The following FHIT variants were observed in gnomAD, a reference collection of about 807,000 sequenced individuals.
FHIT encodes the protein fragile histidine triad diadenosine triphosphatase.
FHIT carries 19 observed loss-of-function variants against 17.9 expected under a neutral mutation model. The observed-to-expected ratio is 1.06, with a 90% CI of 0.74 to 1.56. FHIT has a LOEUF of 1.56. FHIT is among the 40% of genes most tolerant of loss of function. FHIT has a pLI of 0.00. For missense variants in FHIT, 248 were observed against 189.2 expected (o/e 1.31, Z -1.82); for synonymous variants, 81 against 69.7 (o/e 1.16, Z -0.81).
At chr3:59,980,150 A>G (rs1345296829) in intron 7 of FHIT, among the ~76,000 whole-genome samples, 2 of 152,278 alleles carry the variant, frequency 1.3e-5, no homozygotes, top group South Asian at 2.1e-4. Flanking sequence ...GACACTATCT[A>G]AAGAAACTGA....
intron 5 of FHIT, among the ~76,000 whole-genome samples, chr3:60,488,517 G>T (rs1477445432): frequency 1.3e-5 from 2 of 152,132 alleles, no homozygotes; most frequent in African/African-American, 4.8e-5. Flanking sequence ...ACTGGAGCGG[G>T]GTCTTGAGGA....
chr3:59,888,707 C>T (rs1703728233), intron 8 of FHIT, among the ~76,000 whole-genome samples: 1 of 152,178 alleles, frequency 6.6e-6, no homozygotes, highest in African/African-American at 2.4e-5. Flanking sequence ...AGTGATATGG[C>T]TTGTCCAACA....
intron 8 of FHIT, among the ~76,000 whole-genome samples, chr3:59,770,227 C>A (rs1488301708): frequency 1.3e-5 from 2 of 152,188 alleles, no homozygotes; most frequent in Non-Finnish European, 2.9e-5. Flanking sequence ...ATCGTCCTAA[C>A]AACCCTATGT....
At chr3:60,900,429 C>A (rs145547511) in intron 3 of FHIT, among the ~76,000 whole-genome samples, 2 of 135,902 alleles carry the variant, frequency 1.5e-5, no homozygotes, top group Non-Finnish European at 3.1e-5. Context: ...TAGTGAGATG[C>A]CCATTTCAAA....
At chr3:60,866,348 G>A (rs1224670009) in intron 3 of FHIT, among the ~76,000 whole-genome samples, 2 of 152,166 alleles carry the variant, frequency 1.3e-5, no homozygotes, top group Non-Finnish European at 2.9e-5. Context: ...GAAGAGCCAT[G>A]AGTCCTTAAA....
intron 5 of FHIT, among the ~76,000 whole-genome samples, chr3:60,491,807 ATGT>A (rs2034079465): frequency 6.6e-6 from 1 of 152,118 alleles, no homozygotes; most frequent in Non-Finnish European, 1.5e-5. Context: ...TTTTGTCTTT[ATGT>A]TGTTATTTAT....
At chr3:60,810,290 A>G (rs782226042) in intron 4 of FHIT, among the ~76,000 whole-genome samples, 10 of 152,224 alleles carry the variant, frequency 6.6e-5, no homozygotes, top group Non-Finnish European at 1.3e-4. Context: ...TACAGAAGGA[A>G]TAGTCCTTTA....
At chr3:60,917,048 GA>G (rs782075467) in intron 3 of FHIT, among the ~76,000 whole-genome samples, 36 of 152,282 alleles carry the variant, frequency 2.4e-4, no homozygotes, top group Admixed American at 6.5e-4. Flanking sequence ...GCCCCAGATA[GA>G]ACCCTAGTTT....
Position 60,592,487 on chromosome 3 carries a change from G to A in FHIT, c.-17-55508C>T, listed in dbSNP as rs76384012. ...CAGAACTTGTCTGGCCACTGGCACC[G>A]TGGTCATCTAAAACCCAGGCTGCTT... On this transcript the variant is annotated intron_variant, in intron 4 of 9. Coordinates refer to ENST00000492590, the MANE Select transcript of FHIT (RefSeq NM_002012.4). Among the ~76,000 whole-genome samples, 72 of 152,140 alleles carry A rather than the reference G, an allele frequency of 4.7e-4. No individual in the cohort carries two copies. The East Asian group carries it at 5.6e-3, about 12-fold the overall frequency.
At chr3:60,669,557 G>A (rs1163823316) in intron 4 of FHIT, among the ~76,000 whole-genome samples, 2 of 151,984 alleles carry the variant, frequency 1.3e-5, no homozygotes, top group Non-Finnish European at 2.9e-5. Flanking sequence ...ATCCAAGATA[G>A]GAAGTAGGGG....
chr3:60,017,840 T>C (rs1700402572), intron 5 of FHIT, among the ~76,000 whole-genome samples: 1 of 152,152 alleles, frequency 6.6e-6, no homozygotes, highest in Non-Finnish European at 1.5e-5. Flanking sequence ...TTCGCATTAG[T>C]CAGGTGCCTA....
intron 8 of FHIT, among the ~76,000 whole-genome samples, chr3:59,810,356 G>T (rs957706589): frequency 1.3e-5 from 2 of 152,182 alleles, no homozygotes; most frequent in African/African-American, 4.8e-5. Flanking sequence ...ACTTTGGCAT[G>T]AAACAGATTT....
At chr3:60,719,443 T>C (rs1444959713) in intron 4 of FHIT, among the ~76,000 whole-genome samples, 6 of 152,156 alleles carry the variant, frequency 3.9e-5, no homozygotes, top group African/African-American at 1.4e-4. Context: ...GCTGTATAAC[T>C]CTCCATCTTT....
At chr3:60,279,002 T>C (rs1421673039) in intron 5 of FHIT, among the ~76,000 whole-genome samples, 1 of 151,846 alleles carries the variant, frequency 6.6e-6, no homozygotes, top group African/African-American at 2.4e-5. Flanking sequence ...AATTTAAACC[T>C]AAAGCAATCA....
chr3:60,463,411 A>C (rs2032593424), intron 5 of FHIT, among the ~76,000 whole-genome samples: 1 of 152,200 alleles, frequency 6.6e-6, no homozygotes, highest in Non-Finnish European at 1.5e-5. Flanking sequence ...TAATCACATA[A>C]GGCTAACCAA....
At chr3:60,108,047 C>G (rs1173240754) in intron 5 of FHIT, among the ~76,000 whole-genome samples, 1 of 152,172 alleles carries the variant, frequency 6.6e-6, no homozygotes, top group East Asian at 1.9e-4. Context: ...TTCATCTTCA[C>G]ATATATGTTA....
intron 3 of FHIT, among the ~76,000 whole-genome samples, chr3:60,944,345 C>T (rs201837083): frequency 5.7e-4 from 78 of 137,958 alleles, no homozygotes; most frequent in Admixed American, 9.6e-4. Flanking sequence ...TTTTTTTTTT[C>T]CTCCATCAAC....
At chr3:60,084,626 G>T (rs949615642) in intron 5 of FHIT, among the ~76,000 whole-genome samples, 3 of 152,106 alleles carry the variant, frequency 2.0e-5, no homozygotes, top group African/African-American at 7.2e-5. Flanking sequence ...ATCTATGCCA[G>T]GGAATATAAA....
chr3:60,578,755 A>AT (rs1175820833), intron 4 of FHIT, among the ~76,000 whole-genome samples: 1 of 152,156 alleles, frequency 6.6e-6, no homozygotes, highest in Non-Finnish European at 1.5e-5. Flanking sequence ...TAAATGAAAC[A>AT]TTTTTGAAGG....
Sources: gnomAD v4.1 joint callset for allele counts (sites outside exome capture counted in the v4.1 genomes callset) on GRCh38, gnomAD v4.1.1 for gene constraint, MANE v1.5 for transcripts, NCBI Gene and HGNC (gene_info 2026-07-23, HGNC 2026-07-21) for gene names.